The following EPHA6 variants were observed in gnomAD, a reference collection of about 807,000 sequenced individuals.
The protein encoded by EPHA6 is EPH receptor A6.
Under a neutral mutation model 112.0 loss-of-function variants are expected in EPHA6, and 50 were observed. The observed-to-expected ratio is 0.45, with a 90% CI of 0.36 to 0.56. The LOEUF (loss-of-function observed/expected upper bound fraction) is 0.56, where lower values mean the gene tolerates loss of function less well. Ranked by LOEUF, EPHA6 falls within the 20% of genes least tolerant of loss-of-function variation. The pLI is 0.00. For missense variants in EPHA6, 1,280 were observed against 1,417.4 expected (o/e 0.90, Z 1.56); for synonymous variants, 529 against 490.7 (o/e 1.08, Z -1.03).
chr3:97,626,642 A>T (rs1329014263), intron 13 of EPHA6, among the ~76,000 whole-genome samples: 1 of 151,760 alleles, frequency 6.6e-6, no homozygotes, highest in Admixed American at 6.6e-5. Context: ...GTTTTGTATG[A>T]GGGTAAGAGA....
At chr3:97,133,083 T>C (rs898220330) in intron 3 of EPHA6, among the ~76,000 whole-genome samples, 19 of 152,010 alleles carry the variant, frequency 1.2e-4, no homozygotes, top group Admixed American at 4.6e-4. Context: ...ACTGGTGTTC[T>C]TAAGAGCTTC....
At chr3:97,059,516 G>C (rs1226709893) in intron 3 of EPHA6, among the ~76,000 whole-genome samples, 1 of 151,628 alleles carries the variant, frequency 6.6e-6, no homozygotes, top group African/African-American at 2.4e-5. Flanking sequence ...ATCATCAAAG[G>C]TATTGTAATG....
chr3:96,868,204 G>T (rs1443297059), intron 2 of EPHA6, among the ~76,000 whole-genome samples: 1 of 151,448 alleles, frequency 6.6e-6, no homozygotes. Flanking sequence ...GTGTGTGTGT[G>T]TGTGTGTGTG....
intron 14 of EPHA6, among the ~76,000 whole-genome samples, chr3:97,677,969 A>G (rs1161953991): frequency 6.6e-6 from 1 of 152,166 alleles, no homozygotes; most frequent in East Asian, 1.9e-4. Flanking sequence ...CACATTCAGG[A>G]CAAGATGAAG....
rs531252107 is a variant in EPHA6 at position 97,623,647 on chromosome 3, A to G, written c.2574+12793A>G. Among the ~76,000 whole-genome samples, 6 of 151,694 alleles carry G rather than the reference A, an allele frequency of 4.0e-5. No individual in the cohort carries two copies. The East Asian group carries it at 7.8e-4, about 20-fold the overall frequency. ...GCAAAAAGGGCAAAAAGGAGCTAGG[A>G]CGCTCTTTTCACCCTCTTTTACAAT... On this transcript the variant is annotated intron_variant, in intron 13 of 17. Coordinates refer to ENST00000389672, the MANE Select transcript of EPHA6 (RefSeq NM_001080448.3).
At position 96,983,380 on chromosome 3, in the gene EPHA6, C is replaced by G. The variant is rs909968623; in HGVS notation, c.451-3950C>G. Among the ~76,000 whole-genome samples, 3 of 152,216 alleles carry G rather than the reference C, an allele frequency of 2.0e-5. No homozygotes were observed. The East Asian group carries it at 5.8e-4, about 29-fold the overall frequency. On this transcript the variant is annotated intron_variant, in intron 2 of 17. Transcript: ENST00000389672. The stretch of plus-strand genomic sequence containing the variant: ...TTCTTTTAGAATGTTGAATATTGGC[C>G]CCCACTCTCTTCTGGCTTGTAGAGT...
intron 14 of EPHA6, among the ~76,000 whole-genome samples, chr3:97,694,598 A>G (rs1338243563): frequency 6.6e-6 from 1 of 152,190 alleles, no homozygotes; most frequent in African/African-American, 2.4e-5. Context: ...TTTCAGGAAA[A>G]AAGCATTATA....
chr3:97,567,657 A>G (rs1357773409), intron 11 of EPHA6, among the ~76,000 whole-genome samples: 1 of 152,190 alleles, frequency 6.6e-6, no homozygotes. Flanking sequence ...ACCAGGAGAA[A>G]CACAGGGTAG....
At chr3:96,969,871 C>T (rs1033869374) in intron 2 of EPHA6, among the ~76,000 whole-genome samples, 2 of 151,996 alleles carry the variant, frequency 1.3e-5, no homozygotes, top group South Asian at 2.1e-4. Flanking sequence ...GTAATGTGTA[C>T]AGGACATCAC....
intron 8 of EPHA6, among the ~76,000 whole-genome samples, chr3:97,477,208 T>C (rs1355243195): frequency 2.6e-5 from 4 of 152,072 alleles, no homozygotes; most frequent in Admixed American, 2.6e-4. Context: ...AACCATTAGG[T>C]TGTAGATTAA....
At chr3:97,540,013 G>A (rs966464243) in intron 11 of EPHA6, among the ~76,000 whole-genome samples, 24 of 152,084 alleles carry the variant, frequency 1.6e-4, no homozygotes, top group African/African-American at 4.8e-4. Flanking sequence ...AAGAGTTATA[G>A]GATGAAGATG....
chr3:97,128,174 T>C (rs2048235174), intron 3 of EPHA6, among the ~76,000 whole-genome samples: 1 of 152,204 alleles, frequency 6.6e-6, no homozygotes, highest in African/African-American at 2.4e-5. Flanking sequence ...CCCAAGTTGC[T>C]GCAAAAGGCA....
chr3:97,281,363 G>A (rs2080282272), intron 5 of EPHA6, among the ~76,000 whole-genome samples: 1 of 151,926 alleles, frequency 6.6e-6, no homozygotes, highest in Non-Finnish European at 1.5e-5. Context: ...AGAGAAGGAT[G>A]GATCTCAATT....
At chr3:96,882,610 T>C (rs1388838003) in intron 2 of EPHA6, among the ~76,000 whole-genome samples, 1 of 152,172 alleles carries the variant, frequency 6.6e-6, no homozygotes, top group Non-Finnish European at 1.5e-5. Flanking sequence ...GAACATACGA[T>C]GTTTGGTTTC....
intron 4 of EPHA6, 106 bp downstream of exon 4, chr3:97,226,525 G>T: frequency 1.9e-6 from 2 of 1,035,344 alleles, no homozygotes; most frequent in East Asian, 2.4e-5. Context: ...CATTATCAAT[G>T]CCATTTGTCT....
At chr3:97,642,042 C>G (rs2094011373) in intron 14 of EPHA6, among the ~76,000 whole-genome samples, 1 of 148,060 alleles carries the variant, frequency 6.8e-6, no homozygotes, top group African/African-American at 2.5e-5. Context: ...ATGTCCCTGT[C>G]TGACAGCTTT....
intron 4 of EPHA6, 83 bp downstream of exon 4, chr3:97,226,502 G>T (rs1016123144): frequency 7.6e-7 from 1 of 1,309,980 alleles, no homozygotes; most frequent in East Asian, 2.4e-5. Flanking sequence ...ATAAGTAAAT[G>T]TACAAAATCT....
chr3:96,955,616 T>C (rs375499737), intron 2 of EPHA6, among the ~76,000 whole-genome samples: 1 of 152,180 alleles, frequency 6.6e-6, no homozygotes, highest in Non-Finnish European at 1.5e-5. Context: ...AAAGATACTG[T>C]GCTGATGCAT....
At chr3:97,298,203 T>C (rs1273450156) in intron 5 of EPHA6, among the ~76,000 whole-genome samples, 2 of 152,228 alleles carry the variant, frequency 1.3e-5, no homozygotes, top group Non-Finnish European at 2.9e-5. Flanking sequence ...GATATTTCCA[T>C]TCCTGTTATT....
Sources: gnomAD v4.1 joint callset for allele counts (sites outside exome capture counted in the v4.1 genomes callset) on GRCh38, gnomAD v4.1.1 for gene constraint, MANE v1.5 for transcripts, NCBI Gene and HGNC (gene_info 2026-07-23, HGNC 2026-07-21) for gene names.